The following NPAS3 variants were observed in gnomAD, a reference collection of about 807,000 sequenced individuals.
NPAS3 encodes neuronal PAS domain-containing protein 3.
A neutral mutation model predicts 73.1 loss-of-function variants in NPAS3; 14 were observed. The ratio of observed to expected loss-of-function variants is 0.19; its 90% CI spans 0.13 to 0.30. The LOEUF is 0.30. Ranked by LOEUF, NPAS3 falls within the 10% of genes least tolerant of loss-of-function variation. The pLI is 1.00. For missense variants in NPAS3, 1,096 were observed against 1,250.0 expected (o/e 0.88, Z 1.86); for synonymous variants, 620 against 541.5 (o/e 1.14, Z -2.01).
At chr14:33,462,722 T>C (rs138054779) in intron 4 of NPAS3, among the ~76,000 whole-genome samples, 1 of 152,310 alleles carries the variant, frequency 6.6e-6, no homozygotes, top group African/African-American at 2.4e-5. Context: ...CAGGAGGAGC[T>C]GATGTTTGAA....
chr14:33,593,847 G>A (rs1236212864), intron 5 of NPAS3, among the ~76,000 whole-genome samples: 1 of 152,130 alleles, frequency 6.6e-6, no homozygotes, highest in African/African-American at 2.4e-5. Flanking sequence ...GTGAACTTGT[G>A]TACAGAGATG....
At chr14:33,602,885 A>G (rs896507201) in intron 5 of NPAS3, among the ~76,000 whole-genome samples, 1 of 152,168 alleles carries the variant, frequency 6.6e-6, no homozygotes, top group African/African-American at 2.4e-5. Flanking sequence ...CAAAAGGATC[A>G]AAATACCTCC....
At position 33,054,278 on chromosome 14, in the gene NPAS3, G is replaced by C. The variant is rs2040807737; in HGVS notation, c.51-1627G>C. Among the ~76,000 whole-genome samples the C allele has an allele frequency of 2.0e-5, 3 of 152,178 alleles. No individual in the cohort carries two copies. In the South Asian group the frequency reaches 6.2e-4, roughly 32 times the overall value. ...AATTCCACTGATAGTTAATGAGTAT[G>C]TTTAGGTTAGAAGTTGAATACAATA... On this transcript the variant is annotated intron_variant, in intron 1 of 11. Coordinates refer to ENST00000356141, the Ensembl canonical transcript of NPAS3.
chr14:33,098,011 G>A (rs1468012880), intron 2 of NPAS3, among the ~76,000 whole-genome samples: 2 of 151,924 alleles, frequency 1.3e-5, no homozygotes, highest in Non-Finnish European at 2.9e-5. Flanking sequence ...CTTTAATATA[G>A]TGCAATTTAT....
chr14:33,443,328 C>A (rs996135470), intron 4 of NPAS3, among the ~76,000 whole-genome samples: 22 of 151,800 alleles, frequency 1.4e-4, no homozygotes, highest in African/African-American at 4.8e-4. Context: ...ATGCTTGCTG[C>A]CTCCCAGTGA....
Position 33,800,878 on chromosome 14 carries a change from C to G in NPAS3, c.2571C>G (p.Asn857Lys). 6.2e-7 allele frequency: 1 copy of G among 1,606,126 alleles called. No homozygotes were observed. Among genetic ancestry groups the G allele is most frequent in the Non-Finnish European group, 8.5e-7 (1 of 1,176,840 alleles). The stretch of plus-strand genomic sequence containing the variant: ...ACGCTGTTAACTTCGTGGACGTTAA[C>G]AGCCCCGGCTTTGGCCTCGACCCCA... The change falls in exon 12 of 12, where the codon AAC becomes AAG. Residue 857 changes from asparagine to lysine, a missense_variant. Around this residue, in one of 5 missense-constraint regions of NPAS3, gnomAD observed 698 missense variants for 676.7 expected, o/e 1.03. Coordinates refer to ENST00000356141, the Ensembl canonical transcript of NPAS3. This position sits in a 1 kb window ranked among gnomAD's most constrained non-coding sequence, Gnocchi z 6.5.
At chr14:33,495,051 CT>C (rs957217293) in intron 4 of NPAS3, among the ~76,000 whole-genome samples, 5 of 152,084 alleles carry the variant, frequency 3.3e-5, no homozygotes, top group African/African-American at 1.2e-4. Flanking sequence ...TTCTCTAGTT[CT>C]TTTCATTGTG....
intron 4 of NPAS3, among the ~76,000 whole-genome samples, chr14:33,390,071 C>G (rs886440209): frequency 2.0e-5 from 3 of 151,936 alleles, no homozygotes; most frequent in Admixed American, 6.6e-5. Flanking sequence ...GAAGTATTCA[C>G]AGAATCTGTA....
At chr14:33,329,407 C>T (rs2043875920) in intron 3 of NPAS3, among the ~76,000 whole-genome samples, 1 of 152,162 alleles carries the variant, frequency 6.6e-6, no homozygotes, top group African/African-American at 2.4e-5. Flanking sequence ...AGATGTGCTA[C>T]TTTTGACTGG....
intron 7 of NPAS3, among the ~76,000 whole-genome samples, chr14:33,738,355 T>C (rs1003876879): frequency 6.6e-6 from 1 of 152,322 alleles, no homozygotes; most frequent in African/African-American, 2.4e-5. Flanking sequence ...CAGCATGAGC[T>C]GACCTCAACA....
chr14:33,415,066 G>A (rs1399180105), intron 4 of NPAS3, among the ~76,000 whole-genome samples: 1 of 152,048 alleles, frequency 6.6e-6, no homozygotes, highest in African/African-American at 2.4e-5. Context: ...CAACCAATAT[G>A]CATAAGACTA....
At chr14:33,754,113 G>A (rs1386306183) in intron 7 of NPAS3, among the ~76,000 whole-genome samples, 1 of 152,194 alleles carries the variant, frequency 6.6e-6, no homozygotes, top group East Asian at 1.9e-4. Context: ...CCCCACTGGG[G>A]TGGCGGCTAG....
intron 8 of NPAS3, 75 bp downstream of exon 8, chr14:33,774,605 G>T (rs1054431698): frequency 1.6e-5 from 19 of 1,199,310 alleles, no homozygotes; most frequent in Admixed American, 1.2e-4. Flanking sequence ...CCGTCTGAAG[G>T]ATGGTACTCT....
intron 5 of NPAS3, among the ~76,000 whole-genome samples, chr14:33,581,793 C>A (rs1310424005): frequency 3.9e-5 from 6 of 152,062 alleles, no homozygotes; most frequent in Non-Finnish European, 8.8e-5. Context: ...AGGCTGGTCT[C>A]GAATTTCTGG....
chr14:33,391,965 A>G (rs2047028500), intron 4 of NPAS3, among the ~76,000 whole-genome samples: 1 of 152,224 alleles, frequency 6.6e-6, no homozygotes, highest in African/African-American at 2.4e-5. Flanking sequence ...CTGAATAAAT[A>G]TATTTCCTAA....
intron 5 of NPAS3, among the ~76,000 whole-genome samples, chr14:33,606,186 AG>A (rs2057556505): frequency 6.6e-6 from 1 of 151,192 alleles, no homozygotes; most frequent in Non-Finnish European, 1.5e-5. Context: ...CTCGTCATTT[AG>A]CATTAGGTAT....
chr14:33,112,936 G>T (rs990183278), intron 2 of NPAS3, among the ~76,000 whole-genome samples: 3 of 152,004 alleles, frequency 2.0e-5, no homozygotes, highest in Non-Finnish European at 2.9e-5. Flanking sequence ...CCTTTCCCCA[G>T]TTTTTGTTTT....
intron 2 of NPAS3, among the ~76,000 whole-genome samples, chr14:33,153,025 C>G (rs770431659): frequency 6.6e-6 from 1 of 152,068 alleles, no homozygotes; most frequent in Non-Finnish European, 1.5e-5. Context: ...CTCTCTTAGA[C>G]TGGTTTTCTC....
chr14:33,368,253 A>G (rs1209561475), intron 4 of NPAS3, among the ~76,000 whole-genome samples: 1 of 151,652 alleles, frequency 6.6e-6, no homozygotes, highest in Non-Finnish European at 1.5e-5. Flanking sequence ...GTAATACTAC[A>G]TTTAGCATAT....
Sources: allele counts gnomAD v4.1 joint callset (sites outside exome capture counted in the v4.1 genomes callset), GRCh38; gene constraint gnomAD v4.1.1; regional missense constraint gnomAD v4.1.1; non-coding constraint Gnocchi (gnomAD v3.1); transcripts MANE v1.5; gene names NCBI Gene and HGNC (gene_info 2026-07-23, HGNC 2026-07-21).